Variants in TRIO observed in about 807,000 individuals in gnomAD.
TRIO encodes the protein trio Rho guanine nucleotide exchange factor.
A neutral mutation model predicts 351.9 loss-of-function variants in TRIO; 58 were observed. The ratio of observed to expected loss-of-function variants is 0.16; its 90% CI spans 0.13 to 0.21. The LOEUF is 0.21. Ranked by LOEUF, TRIO falls within the 10% of genes least tolerant of loss-of-function variation. The probability of loss-of-function intolerance (pLI) is 1.00; values close to 1 mark genes in which losing one functional copy is unlikely to be tolerated. For synonymous variants in TRIO, 1,758 were observed against 1,595.7 expected (o/e 1.10, Z -2.42); for missense variants, 3,201 against 4,027.8 (o/e 0.79, Z 5.56).
At position 14,384,210 on chromosome 5, in the gene TRIO, G is replaced by A. The variant is rs140589599; in HGVS notation, c.3570+2958G>A. ...TTGATTTTTGCACACACTGAGGTCC[G>A]GAAGCCATTGCCTTACTGACGCCAC... On this transcript the variant is annotated intron_variant, in intron 21 of 56. Transcript: ENST00000344204. Among the ~76,000 whole-genome samples, 87 of 152,262 alleles carry A rather than the reference G, an allele frequency of 5.7e-4. 2 individuals carry two copies. The East Asian group carries it at 0.014, about 24-fold the overall frequency.
chr5:14,182,230 G>A (rs1308302888), intron 1 of TRIO, among the ~76,000 whole-genome samples: 3 of 152,162 alleles, frequency 2.0e-5, no homozygotes, highest in Admixed American at 6.5e-5. Flanking sequence ...AAGGACCCCG[G>A]CTCTGCTGTG....
chr5:14,342,219 T>A (rs550480116), intron 11 of TRIO, among the ~76,000 whole-genome samples: 1 of 152,184 alleles, frequency 6.6e-6, no homozygotes, highest in African/African-American at 2.4e-5. Flanking sequence ...CGGAGCTGCC[T>A]CTCCTCTGAC....
intron 1 of TRIO, among the ~76,000 whole-genome samples, chr5:14,246,307 G>A (rs752821187): frequency 2.0e-5 from 3 of 152,146 alleles, no homozygotes; most frequent in Admixed American, 1.3e-4. Context: ...GGGAACTCTG[G>A]GGTTTAACAT....
intron 1 of TRIO, among the ~76,000 whole-genome samples, chr5:14,169,388 T>A (rs1332911918): frequency 6.6e-6 from 1 of 151,852 alleles, no homozygotes; most frequent in African/African-American, 2.4e-5. Context: ...TATGCCTAAC[T>A]CTCCCCTTTG....
intron 31 of TRIO, among the ~76,000 whole-genome samples, chr5:14,403,056 T>TGTGAGGGTGCAGGTTGTG (rs922076227): frequency 9.7e-6 from 1 of 103,026 alleles, no homozygotes; most frequent in African/African-American, 3.8e-5. Context: ...TGTGGTGGGT[T>TGTGAGGGTGCAGGTTGTG]GTGAGGGTGC....
At chr5:14,272,211 T>C (rs759096430) in intron 2 of TRIO, among the ~76,000 whole-genome samples, 5 of 152,224 alleles carry the variant, frequency 3.3e-5, no homozygotes, top group African/African-American at 4.8e-5. Flanking sequence ...ACTCTACTTA[T>C]AAAAATTAGA....
chr5:14,225,550 C>A (rs1186222921), intron 1 of TRIO, among the ~76,000 whole-genome samples: 1 of 152,096 alleles, frequency 6.6e-6, no homozygotes, highest in African/African-American at 2.4e-5. Context: ...TTCTTGCTGG[C>A]TGTTGGCAGG....
At position 14,497,126 on chromosome 5, in the gene TRIO, C is replaced by T. The variant is rs1756953808; in HGVS notation, c.8019+109C>T. On this transcript the variant is annotated intron_variant, in intron 50 of 56. Transcript: ENST00000344204. This position sits in a 1 kb window ranked among gnomAD's most constrained non-coding sequence, Gnocchi z 4.4. ...GCTGGGCTTGCTTATGACCTCCCTCCCACCCACCAGCCCCGTGCCCTGCGT... is the reference window on the plus strand; with the variant it reads ...GCTGGGCTTGCTTATGACCTCCCTCTCACCCACCAGCCCCGTGCCCTGCGT... The T allele has an allele frequency of 6.8e-7, 1 of 1,471,278 alleles. No homozygotes were observed. Among genetic ancestry groups the T allele is most frequent in the Non-Finnish European group, 9.1e-7 (1 of 1,098,136 alleles). The allele number at this position is 1,471,278 out of a possible 1,614,324, so 91.1% of individuals were successfully genotyped here.
At chr5:14,495,552 TG>T (rs1756818759) in intron 49 of TRIO, among the ~76,000 whole-genome samples, 2 of 147,750 alleles carry the variant, frequency 1.4e-5, no homozygotes, top group South Asian at 4.3e-4. Flanking sequence ...CCAGGCGTAG[TG>T]GCTCATGCCT....
chr5:14,417,870 C>T (rs1373933289), intron 33 of TRIO, among the ~76,000 whole-genome samples: 1 of 152,200 alleles, frequency 6.6e-6, no homozygotes, highest in East Asian at 1.9e-4. Flanking sequence ...GGATGCGGAG[C>T]ACAGTGCGAG....
At chr5:14,242,409 C>T (rs1314142006) in intron 1 of TRIO, among the ~76,000 whole-genome samples, 2 of 152,196 alleles carry the variant, frequency 1.3e-5, no homozygotes, top group Non-Finnish European at 2.9e-5. Context: ...CAAATCAGGG[C>T]TCTTGTCAAT....
chr5:14,508,491 A>G lies in TRIO; in HGVS notation c.*69A>G, dbSNP rs1757873425. On this transcript the variant is annotated 3_prime_UTR_variant, in exon 57 of 57. Transcript: ENST00000344204. ...GCTGTTAATCTGAATTTTCAAGAGAAAACAAGCAAACATAACTGATCAGCT... is the reference window on the plus strand; with the variant it reads ...GCTGTTAATCTGAATTTTCAAGAGAGAACAAGCAAACATAACTGATCAGCT... 2 of 1,510,528 alleles carry G rather than the reference A, an allele frequency of 1.3e-6. No homozygotes were observed. The highest frequency in any genetic ancestry group is 1.8e-6 in the Non-Finnish European group (2 of 1,124,036). The allele number at this position is 1,510,528 out of a possible 1,614,324, so 93.6% of individuals were successfully genotyped here.
At chr5:14,238,511 AC>A (rs1272714845) in intron 1 of TRIO, among the ~76,000 whole-genome samples, 2 of 152,134 alleles carry the variant, frequency 1.3e-5, no homozygotes, top group Non-Finnish European at 2.9e-5. Context: ...CCCGTGCACC[AC>A]CTGTCATGGA....
At chr5:14,347,440 G>A (rs1457885127) in intron 11 of TRIO, among the ~76,000 whole-genome samples, 1 of 152,232 alleles carries the variant, frequency 6.6e-6, no homozygotes, top group African/African-American at 2.4e-5. Context: ...TGGTGTCACC[G>A]CCTGTAGGGG....
chr5:14,224,195 T>G (rs1792833200), intron 1 of TRIO, among the ~76,000 whole-genome samples: 1 of 152,092 alleles, frequency 6.6e-6, no homozygotes, highest in Non-Finnish European at 1.5e-5. Context: ...TTATTTTGTT[T>G]GTTTTCAGAA....
chr5:14,264,822 C>T (rs1450543279), intron 1 of TRIO, among the ~76,000 whole-genome samples: 1 of 152,192 alleles, frequency 6.6e-6, no homozygotes, highest in Non-Finnish European at 1.5e-5. Context: ...TCCCTCTGCG[C>T]GTGCGCTTGC....
At chr5:14,435,422 T>G (rs890870942) in intron 34 of TRIO, among the ~76,000 whole-genome samples, 8 of 152,200 alleles carry the variant, frequency 5.3e-5, no homozygotes, top group Non-Finnish European at 1.0e-4. Context: ...CAGTAGCATC[T>G]GCAGCATTTC....
chr5:14,420,998 G>A (rs578032049), intron 34 of TRIO, among the ~76,000 whole-genome samples: 1 of 152,156 alleles, frequency 6.6e-6, no homozygotes, highest in East Asian at 1.9e-4. Flanking sequence ...GTGGAGGTTG[G>A]GTTTTTGAAT....
At chr5:14,339,263 G>A (rs1741717253) in intron 11 of TRIO, among the ~76,000 whole-genome samples, 1 of 152,198 alleles carries the variant, frequency 6.6e-6, no homozygotes, top group Non-Finnish European at 1.5e-5. Context: ...CTCTTGTCCA[G>A]AGGCTTCGTT....
Sources: gnomAD v4.1 joint callset for allele counts (sites outside exome capture counted in the v4.1 genomes callset) on GRCh38, gnomAD v4.1.1 for gene constraint, Gnocchi (gnomAD v3.1) non-coding constraint, MANE v1.5 for transcripts, NCBI Gene and HGNC (gene_info 2026-07-23, HGNC 2026-07-21) for gene names.